The following CSMD1 variants were observed in gnomAD, a reference collection of about 807,000 sequenced individuals.
The protein encoded by CSMD1 is CUB and sushi domain-containing protein 1.
In CSMD1, 213 loss-of-function variants were observed where a neutral mutation model predicts 417.5. That is an observed-to-expected ratio of 0.51 (90% CI 0.46 to 0.57). The LOEUF is 0.57. Among genes scored for constraint, CSMD1 ranks in the 20% least tolerant of loss-of-function variants. The pLI is 0.00. For synonymous variants in CSMD1, 2,862 were observed against 1,736.8 expected (o/e 1.65, Z -16.11); for missense variants, 6,923 against 4,529.7 (o/e 1.53, Z -15.17).
At position 3,010,468 on chromosome 8, in the gene CSMD1, A is replaced by T. The variant is rs544440568; in HGVS notation, c.8029+8009T>A. On this transcript the variant is annotated intron_variant, in intron 52 of 69. Coordinates refer to ENST00000635120, the MANE Select transcript of CSMD1 (RefSeq NM_033225.6). ...GGCCCTATCAGTCCAGGCTCTTATG[A>T]CCAGGCGGCCGTCGAGAGTTCGACC... 1.9e-3 allele frequency among the ~76,000 whole-genome samples: 284 copies of T among 152,098 alleles called. 2 individuals are homozygous for T. The highest frequency in any genetic ancestry group is 6.6e-3 in the African/African-American group (274 of 41,506).
intron 6 of CSMD1, among the ~76,000 whole-genome samples, chr8:3,725,577 G>C (rs187231129): frequency 5.3e-5 from 8 of 152,198 alleles, no homozygotes; most frequent in African/African-American, 1.7e-4. Flanking sequence ...AAACAGTTGA[G>C]GAGAGAGGAA....
intron 2 of CSMD1, among the ~76,000 whole-genome samples, chr8:4,478,887 A>T (rs1800940602): frequency 6.6e-6 from 1 of 152,228 alleles, no homozygotes; most frequent in African/African-American, 2.4e-5. Context: ...TAAAAAGCAG[A>T]CAAATGGAAA....
At chr8:4,623,818 T>TA in intron 2 of CSMD1, among the ~76,000 whole-genome samples, 1 of 151,958 alleles carries the variant, frequency 6.6e-6, no homozygotes, top group Admixed American at 6.6e-5. Context: ...AGAAAACAGT[T>TA]CAGTGGTGTG....
chr8:3,796,433 T>TATATATCATGTATAGATATAG (rs1800148851), intron 5 of CSMD1, among the ~76,000 whole-genome samples: 2 of 48,486 alleles, frequency 4.1e-5, no homozygotes, highest in African/African-American at 1.2e-4. Context: ...TATAGATATA[T>TATATATCATGTATAGATATAG]ATATCTATCG....
At chr8:4,905,673 A>G (rs1354062007) in intron 1 of CSMD1, among the ~76,000 whole-genome samples, 2 of 151,820 alleles carry the variant, frequency 1.3e-5, no homozygotes, top group Non-Finnish European at 2.9e-5. Flanking sequence ...CAAAAAAATT[A>G]GCCGGGCGTG....
intron 15 of CSMD1, among the ~76,000 whole-genome samples, chr8:3,405,201 G>C (rs1338316590): frequency 6.6e-6 from 1 of 151,980 alleles, no homozygotes; most frequent in East Asian, 1.9e-4. Flanking sequence ...TCTTAAATTT[G>C]TACTTCTTTG....
chr8:3,562,894 C>G (rs1315436712), intron 10 of CSMD1, among the ~76,000 whole-genome samples: 1 of 151,946 alleles, frequency 6.6e-6, no homozygotes, highest in African/African-American at 2.4e-5. Flanking sequence ...TTTAACAAAC[C>G]TGCACATGTA....
chr8:4,447,590 G>A (rs982099911), intron 2 of CSMD1, among the ~76,000 whole-genome samples: 4 of 152,130 alleles, frequency 2.6e-5, no homozygotes, highest in Non-Finnish European at 4.4e-5. Context: ...AACAGAAAAC[G>A]CTTTCATGTA....
chr8:4,697,651 T>G (rs1488721646), intron 1 of CSMD1, among the ~76,000 whole-genome samples: 1 of 152,170 alleles, frequency 6.6e-6, no homozygotes, highest in Non-Finnish European at 1.5e-5. Context: ...GGACTGATAT[T>G]AGTTGCTGGT....
intron 3 of CSMD1, among the ~76,000 whole-genome samples, chr8:4,042,746 C>G (rs1303649330): frequency 7.1e-6 from 1 of 141,820 alleles, no homozygotes; most frequent in Non-Finnish European, 1.5e-5. Context: ...ACCACAGAGG[C>G]TGGGTAAGAA....
intron 6 of CSMD1, among the ~76,000 whole-genome samples, chr8:3,742,468 G>A (rs1040194077): frequency 6.6e-6 from 1 of 152,076 alleles, no homozygotes; most frequent in African/African-American, 2.4e-5. Context: ...ATAGGCCTGC[G>A]GTCTATGATT....
At chr8:3,913,157 A>G (rs989596404) in intron 5 of CSMD1, among the ~76,000 whole-genome samples, 1 of 152,120 alleles carries the variant, frequency 6.6e-6, no homozygotes, top group African/African-American at 2.4e-5. Flanking sequence ...TCCATGTTAC[A>G]TCGACAGGGA....
chr8:3,736,035 T>A (rs1213009823), intron 6 of CSMD1, among the ~76,000 whole-genome samples: 1 of 151,884 alleles, frequency 6.6e-6, no homozygotes, highest in Non-Finnish European at 1.5e-5. Context: ...GGAATAGAAA[T>A]ACAAAGAACT....
chr8:4,453,211 A>C (rs535874855), intron 2 of CSMD1, among the ~76,000 whole-genome samples: 1 of 103,650 alleles, frequency 9.6e-6, no homozygotes, highest in East Asian at 2.3e-4. Context: ...ACAGACACAC[A>C]CAGAGACACA....
intron 3 of CSMD1, among the ~76,000 whole-genome samples, chr8:4,113,818 T>C (rs906099440): frequency 6.6e-6 from 1 of 152,202 alleles, no homozygotes; most frequent in Non-Finnish European, 1.5e-5. Flanking sequence ...AACATTCCCT[T>C]AAACCAAGGC....
intron 25 of CSMD1, among the ~76,000 whole-genome samples, chr8:3,306,568 G>T (rs1027852007): frequency 6.6e-6 from 1 of 152,176 alleles, no homozygotes; most frequent in Admixed American, 6.5e-5. Context: ...TAGCATGATG[G>T]AGTGTAGACG....
In CSMD1 at chr8:4,242,564, A is replaced by G. The variant is rs1321592654; in HGVS notation, c.415+177389T>C. 3.9e-5 allele frequency among the ~76,000 whole-genome samples: 6 copies of G among 152,202 alleles called. No homozygotes were observed. The East Asian group carries it at 1.2e-3, about 29-fold the overall frequency. On this transcript the variant is annotated intron_variant, in intron 3 of 69. Transcript: ENST00000635120. ...TTTCCCCTTCTAGTAAGTTGTCTTG[A>G]AAAAACTCAGAAATGTTAATGAATG...
chr8:4,781,317 G>T (rs2117190443), intron 1 of CSMD1, among the ~76,000 whole-genome samples: 1 of 152,192 alleles, frequency 6.6e-6, no homozygotes, highest in South Asian at 2.1e-4. Flanking sequence ...AAACACACGG[G>T]GTCACACTTG....
intron 3 of CSMD1, among the ~76,000 whole-genome samples, chr8:4,070,236 T>C (rs559835908): frequency 3.3e-5 from 5 of 152,322 alleles, no homozygotes; most frequent in South Asian, 2.1e-4. Flanking sequence ...GGTATGCTTA[T>C]CATATATATT....
Sources: allele counts gnomAD v4.1 joint callset (sites outside exome capture counted in the v4.1 genomes callset), GRCh38; gene constraint gnomAD v4.1.1; transcripts MANE v1.5; gene names NCBI Gene and HGNC (gene_info 2026-07-23, HGNC 2026-07-21).